Variants in DNM3 observed in about 807,000 individuals in gnomAD.
DNM3 encodes dynamin-3.
A neutral mutation model predicts 101.6 loss-of-function variants in DNM3; 47 were observed. The observed-to-expected ratio is 0.46, with a 90% CI of 0.37 to 0.59. DNM3 has a LOEUF of 0.59. DNM3 is among the 20% of genes least tolerant of loss of function. The pLI is 0.00. For missense variants in DNM3, 849 were observed against 1,085.7 expected, an observed-to-expected ratio of 0.78 and a Z score of 3.06; for synonymous variants, 385 against 387.9, an observed-to-expected ratio of 0.99 and a Z score of 0.09.
At chr1:172,065,707 A>T (rs188667058) in intron 10 of DNM3, among the ~76,000 whole-genome samples, 329 of 152,306 alleles carry the variant, frequency 2.2e-3, no homozygotes, top group African/African-American at 7.7e-3. Context: ...CGAGGACCTC[A>T]TGGAGACGCT....
chr1:172,363,695 C>A (rs1558045881), intron 17 of DNM3, among the ~76,000 whole-genome samples: 1 of 151,898 alleles, frequency 6.6e-6, no homozygotes, highest in East Asian at 1.9e-4. Context: ...TTTCTGGTGA[C>A]CTTTCAAGCC....
At chr1:171,902,068 A>G (rs1229264256) in intron 1 of DNM3, among the ~76,000 whole-genome samples, 2 of 152,190 alleles carry the variant, frequency 1.3e-5, no homozygotes, top group African/African-American at 2.4e-5. Flanking sequence ...GTGAAATCAT[A>G]AAAAGGTTAA....
intron 14 of DNM3, among the ~76,000 whole-genome samples, chr1:172,190,281 C>T (rs1486456046): frequency 1.3e-5 from 2 of 152,026 alleles, no homozygotes; most frequent in East Asian, 1.9e-4. Context: ...TCTGTCCTTG[C>T]GATAGTTTGC....
At chr1:172,035,563 A>T (rs988713432) in intron 6 of DNM3, among the ~76,000 whole-genome samples, 1 of 152,190 alleles carries the variant, frequency 6.6e-6, no homozygotes, top group African/African-American at 2.4e-5. Context: ...AGCTGGAATT[A>T]TGGAAGCCAG....
intron 14 of DNM3, among the ~76,000 whole-genome samples, chr1:172,238,828 A>G (rs768182906): frequency 2.0e-5 from 3 of 150,418 alleles, no homozygotes; most frequent in Non-Finnish European, 3.0e-5. Context: ...CAGGATAAGA[A>G]AAAAAAAAAA....
chr1:172,368,287 C>A (rs2068134647), intron 17 of DNM3, among the ~76,000 whole-genome samples: 1 of 151,650 alleles, frequency 6.6e-6, no homozygotes, highest in South Asian at 2.1e-4. Context: ...TTTCTTATCA[C>A]AATGGAATAA....
chr1:172,229,111 T>C (rs535632607), intron 14 of DNM3, among the ~76,000 whole-genome samples: 133 of 152,288 alleles, frequency 8.7e-4, no homozygotes, highest in African/African-American at 3.0e-3. Context: ...GCTTTCATTA[T>C]TTTTCTGGTC....
intron 15 of DNM3, among the ~76,000 whole-genome samples, chr1:172,301,540 A>G (rs1557957239): frequency 1.3e-5 from 2 of 152,266 alleles, no homozygotes; most frequent in East Asian, 3.9e-4. Context: ...AGATCCTGTA[A>G]CTCTATTTAT....
intron 10 of DNM3, among the ~76,000 whole-genome samples, chr1:172,051,547 A>G (rs1006362397): frequency 6.6e-6 from 1 of 152,212 alleles, no homozygotes; most frequent in African/African-American, 2.4e-5. Context: ...TTACTAGGAA[A>G]TTGTAAACCT....
chr1:172,127,084 G>T (rs978103055), intron 13 of DNM3, among the ~76,000 whole-genome samples: 24 of 151,956 alleles, frequency 1.6e-4, no homozygotes, highest in African/African-American at 5.3e-4. Flanking sequence ...CTCAACTACT[G>T]GTTGCCTCAA....
At chr1:172,350,599 G>C (rs1374966822) in intron 17 of DNM3, among the ~76,000 whole-genome samples, 2 of 152,130 alleles carry the variant, frequency 1.3e-5, no homozygotes, top group East Asian at 1.9e-4. Context: ...AAAGTATCTA[G>C]ATAATCTTTT....
intron 1 of DNM3, among the ~76,000 whole-genome samples, chr1:171,895,940 G>A (rs1004322757): frequency 1.3e-5 from 2 of 152,178 alleles, no homozygotes; most frequent in African/African-American, 4.8e-5. Flanking sequence ...TCAAAGATCA[G>A]ATGGTTGTAG....
intron 14 of DNM3, among the ~76,000 whole-genome samples, chr1:172,199,205 T>C (rs1458332851): frequency 6.6e-6 from 1 of 152,138 alleles, no homozygotes; most frequent in Non-Finnish European, 1.5e-5. Flanking sequence ...AATTTCCATG[T>C]AATTGCATGG....
At chr1:171,845,993 T>A (rs1019028952) in intron 1 of DNM3, among the ~76,000 whole-genome samples, 1 of 152,280 alleles carries the variant, frequency 6.6e-6, no homozygotes, top group South Asian at 2.1e-4. Flanking sequence ...AAAATATTTT[T>A]AAAAAGTGAT....
In DNM3 at chr1:172,048,854, G is replaced by A. The variant is rs1406991570; in HGVS notation, c.1335+104G>A. ...CCCTGACCCTCACTTTGTTATAGAT[G>A]TTGTGTGTTTGCCTACAGGGAATGG... is the stretch of plus-strand genomic sequence containing the variant. On this transcript the variant is annotated intron_variant, in intron 10 of 20. Coordinates refer to ENST00000627582, the MANE Select transcript of DNM3 (RefSeq NM_015569.5). 2.1e-6 allele frequency: 3 copies of A among 1,401,942 alleles called. No individual in the cohort carries two copies. The Admixed American group carries it at 6.2e-5, about 29-fold the overall frequency. 86.8% of individuals were successfully genotyped at this position (1,401,942 alleles called of 1,614,324 possible). A position where few individuals can be genotyped will look rare whatever the true frequency, so the allele number is the denominator to read the frequency against.
downstream of DNM3, among the ~76,000 whole-genome samples, chr1:172,415,543 T>G (rs1257169990): frequency 6.8e-6 from 1 of 147,502 alleles, no homozygotes; most frequent in Admixed American, 6.8e-5. Context: ...TTTTTTTTTT[T>G]TTTTGAGACA....
chr1:172,032,125 A>G (rs1196468231), intron 4 of DNM3, among the ~76,000 whole-genome samples: 4 of 152,222 alleles, frequency 2.6e-5, no homozygotes, highest in African/African-American at 9.7e-5. Context: ...GCGTGGTACA[A>G]AAATAAACTC....
intron 4 of DNM3, among the ~76,000 whole-genome samples, chr1:172,029,371 ACT>A (rs1558448477): frequency 3.3e-5 from 5 of 152,110 alleles, no homozygotes; most frequent in Non-Finnish European, 5.9e-5. Context: ...CATGCTAAAA[ACT>A]CTCAATAAAC....
At chr1:171,948,020 C>T (rs2042272360) in intron 2 of DNM3, among the ~76,000 whole-genome samples, 1 of 152,136 alleles carries the variant, frequency 6.6e-6, no homozygotes, top group Admixed American at 6.5e-5. Flanking sequence ...AAAATTACAC[C>T]ACCTATGTGG....
Sources: allele counts gnomAD v4.1 joint callset (sites outside exome capture counted in the v4.1 genomes callset), GRCh38; gene constraint gnomAD v4.1.1; transcripts MANE v1.5; gene names NCBI Gene and HGNC (gene_info 2026-07-23, HGNC 2026-07-21).